KIF11: variants seen among roughly 807,000 people sequenced by gnomAD.
The protein encoded by KIF11 is kinesin-like protein KIF11.
A neutral mutation model predicts 121.0 loss-of-function variants in KIF11; 9 were observed. That is an observed-to-expected ratio of 0.07 (90% CI 0.04 to 0.13). The LOEUF is 0.13. Among genes scored for constraint, KIF11 ranks in the 10% least tolerant of loss-of-function variants. KIF11 has a pLI of 1.00. For synonymous variants in KIF11, 408 were observed against 421.0 expected (o/e 0.97, Z 0.38); for missense variants, 846 against 1,217.5 (o/e 0.69, Z 4.54).
chr10:92,640,735 T>C (rs574007182), intron 17 of KIF11, among the ~76,000 whole-genome samples: 1 of 152,072 alleles, frequency 6.6e-6, no homozygotes, highest in South Asian at 2.1e-4. Flanking sequence ...CGGCTCTGTT[T>C]TGTTTTTTCA....
chr10:92,596,579 G>C (rs758641814), intron 1 of KIF11, among the ~76,000 whole-genome samples: 3 of 151,026 alleles, frequency 2.0e-5, no homozygotes, highest in Non-Finnish European at 4.4e-5. Flanking sequence ...GGTGTGAGGT[G>C]CTATCTCATT....
At chr10:92,605,375 A>G (rs1307903652) in intron 1 of KIF11, among the ~76,000 whole-genome samples, 2 of 151,218 alleles carry the variant, frequency 1.3e-5, no homozygotes, top group African/African-American at 4.9e-5. Context: ...ATTAGTCATT[A>G]TTTTTATGTA....
In KIF11 at chr10:92,618,796, A is replaced by T. The variant is rs191874574; in HGVS notation, c.1128+1964A>T. On this transcript the variant is annotated intron_variant, in intron 9 of 21. Transcript: ENST00000260731. ...CATGTGTATGTGTATTTAATTCTAG[A>T]CAGTTTTGTCACATGTATAGGTTCA... Among the ~76,000 whole-genome samples, 233 of 152,226 alleles carry T rather than the reference A, an allele frequency of 1.5e-3. 2 individuals are homozygous for T. Among genetic ancestry groups the T allele is most frequent in the South Asian group, 4.1e-3 (20 of 4,828 alleles).
intron 12 of KIF11, among the ~76,000 whole-genome samples, chr10:92,631,740 A>C (rs1406653735): frequency 6.6e-6 from 1 of 151,232 alleles, no homozygotes; most frequent in African/African-American, 2.4e-5. Context: ...CAGTGGCATC[A>C]TCTCAGTTCA....
At chr10:92,640,017 A>G (rs1364550365) in intron 17 of KIF11, 117 bp downstream of exon 17, 1 of 566,786 alleles carries the variant, frequency 1.8e-6, no homozygotes, top group East Asian at 3.1e-5. Flanking sequence ...TCTTTTGTTA[A>G]TATTTTATTA....
At chr10:92,622,412 C>T (rs187276844) in intron 10 of KIF11, among the ~76,000 whole-genome samples, 5,179 of 151,088 alleles carry the variant, frequency 0.034, 136 homozygotes, top group Admixed American at 0.061. Flanking sequence ...GTCAGGAGTT[C>T]GAGACCAGCC....
rs1844970690 is a variant in KIF11 at position 92,650,624 on chromosome 10, A to G, written c.3039+107A>G. On this transcript the variant is annotated intron_variant, in intron 21 of 21. Coordinates refer to ENST00000260731, the MANE Select transcript of KIF11 (RefSeq NM_004523.4). ...GCAGAACAACAAAAACCTTTCAATT[A>G]TTCCTTAGGATGGCTTGTTAACGCT... is the stretch of plus-strand genomic sequence containing the variant. 4.4e-6 allele frequency: 3 copies of G among 677,170 alleles called. No individual in the cohort carries two copies. The East Asian group carries it at 7.6e-5, about 17-fold the overall frequency. The allele number at this position is 677,170 out of a possible 1,614,324, so 41.9% of individuals were successfully genotyped here.
chr10:92,648,184 A>G (rs1462458725), intron 18 of KIF11, 28 bp from the exon 19 acceptor site: 4 of 1,390,362 alleles, frequency 2.9e-6, no homozygotes, highest in Non-Finnish European at 4.0e-6. Context: ...TAATTTTAGT[A>G]ATAAATATTT....
intron 9 of KIF11, among the ~76,000 whole-genome samples, chr10:92,617,965 C>T (rs1336092743): frequency 1.3e-5 from 2 of 152,128 alleles, no homozygotes; most frequent in African/African-American, 2.4e-5. Context: ...GTCTTGAACT[C>T]CTGACCTCGT....
At position 92,606,456 on chromosome 10, in the gene KIF11, A is replaced by G. The variant is rs80250278; in HGVS notation, c.210+59A>G. The G allele has an allele frequency of 0.015, 21,786 of 1,409,600 alleles. 315 individuals are homozygous for G. Among genetic ancestry groups the G allele is most frequent in the South Asian group, 0.051 (3,747 of 73,418 alleles). The allele number at this position is 1,409,600 out of a possible 1,614,324, so 87.3% of individuals were successfully genotyped here. ...AATGTAAAATAATTTTAATATACAT[A>G]TTTTACCTGGAAAATGGTGTATACT... On this transcript the variant is annotated intron_variant, in intron 2 of 21. Coordinates refer to ENST00000260731, the MANE Select transcript of KIF11 (RefSeq NM_004523.4).
intron 21 of KIF11, 74 bp downstream of exon 21, chr10:92,650,591 C>T (rs773194607): frequency 4.6e-5 from 40 of 864,616 alleles, no homozygotes; most frequent in South Asian, 2.4e-4. Flanking sequence ...AGGTATTGTT[C>T]GTGGTGAGCA....
At position 92,639,774 on chromosome 10, in the gene KIF11, T is replaced by A; in HGVS notation, c.2161-20T>A. The A allele has an allele frequency of 6.9e-7, 1 of 1,454,126 alleles. No individual in the cohort carries two copies. Among genetic ancestry groups the A allele is most frequent in the Non-Finnish European group, 9.6e-7 (1 of 1,046,916 alleles). The allele number at this position is 1,454,126 out of a possible 1,614,324, so 90.1% of individuals were successfully genotyped here. ...GTGTCATAATTTTAAGTCTCTTCAC[T>A]TCCCACACCTTTCTTACAGGAACTT... is the stretch of plus-strand genomic sequence containing the variant. On this transcript the variant is annotated intron_variant, in intron 16 of 21. Coordinates refer to ENST00000260731, the MANE Select transcript of KIF11 (RefSeq NM_004523.4).
intron 14 of KIF11, among the ~76,000 whole-genome samples, chr10:92,634,741 T>G (rs1335985128): frequency 6.6e-6 from 1 of 152,238 alleles, no homozygotes; most frequent in African/African-American, 2.4e-5. Context: ...AGGGCAAGTT[T>G]AGCACCACAT....
intron 1 of KIF11, among the ~76,000 whole-genome samples, chr10:92,598,752 C>G (rs1844330834): frequency 6.6e-6 from 1 of 152,002 alleles, no homozygotes; most frequent in African/African-American, 2.4e-5. Flanking sequence ...TATTTATGCC[C>G]CTTAATTTCT....
intron 4 of KIF11, among the ~76,000 whole-genome samples, chr10:92,608,446 G>A (rs1485305366): frequency 2.0e-5 from 3 of 148,724 alleles, no homozygotes; most frequent in South Asian, 2.1e-4. Flanking sequence ...TGAACTTGGC[G>A]TTTTTTTTTT....
chr10:92,613,652 T>C lies in KIF11; in HGVS notation c.1032+33T>C, dbSNP rs778996836. On this transcript the variant is annotated intron_variant, in intron 8 of 21. Coordinates refer to ENST00000260731, the MANE Select transcript of KIF11 (RefSeq NM_004523.4). This position sits in a 1 kb window ranked among gnomAD's most constrained non-coding sequence, Gnocchi z 4.2. ...CTTTGAAAGGAAGCTGCAAGTGTAG[T>C]AGCTGTAATTCTTATTTGGCTATTA... 2 of 1,572,142 alleles carry C rather than the reference T, an allele frequency of 1.3e-6. No homozygotes were observed. Among genetic ancestry groups the C allele is most frequent in the Non-Finnish European group, 8.6e-7 (1 of 1,159,350 alleles).
intron 17 of KIF11, among the ~76,000 whole-genome samples, chr10:92,642,651 G>A (rs1844877749): frequency 6.6e-6 from 1 of 151,618 alleles, no homozygotes; most frequent in African/African-American, 2.4e-5. Context: ...ATACATTTAG[G>A]ATTATTATAT....
intron 4 of KIF11, 46 bp from the exon 5 acceptor site, chr10:92,608,974 A>C: frequency 9.2e-7 from 1 of 1,084,366 alleles, no homozygotes; most frequent in Non-Finnish European, 1.3e-6. Context: ...TAACTGCCAC[A>C]GTAAATGGCA....
At chr10:92,624,355 C>T (rs1053829939) in intron 10 of KIF11, among the ~76,000 whole-genome samples, 1 of 151,138 alleles carries the variant, frequency 6.6e-6, no homozygotes, top group Non-Finnish European at 1.5e-5. Context: ...CCCAGCTGCC[C>T]GAGTAGCTGG....
Sources: allele counts gnomAD v4.1 joint callset (sites outside exome capture counted in the v4.1 genomes callset), GRCh38; gene constraint gnomAD v4.1.1; non-coding constraint Gnocchi (gnomAD v3.1); transcripts MANE v1.5; gene names NCBI Gene and HGNC (gene_info 2026-07-23, HGNC 2026-07-21).